Variants in FER observed in about 807,000 individuals in gnomAD.
FER encodes FER tyrosine kinase.
Under a neutral mutation model 111.0 loss-of-function variants are expected in FER, and 63 were observed. The observed-to-expected ratio is 0.57, with a 90% CI of 0.46 to 0.70. The LOEUF (loss-of-function observed/expected upper bound fraction) is 0.70, where lower values mean the gene tolerates loss of function less well. Among genes scored for constraint, FER ranks in the 30% least tolerant of loss-of-function variants. FER has a pLI of 0.00. For missense variants in FER, 914 were observed against 954.0 expected, an observed-to-expected ratio of 0.96 and a Z score of 0.55; for synonymous variants, 327 against 313.9, an observed-to-expected ratio of 1.04 and a Z score of -0.44.
At chr5:108,966,614 G>A (rs1280620190) in intron 13 of FER, among the ~76,000 whole-genome samples, 6 of 151,814 alleles carry the variant, frequency 4.0e-5, no homozygotes, top group Admixed American at 1.3e-4. Context: ...TCTCGAACTC[G>A]TGACCTCATG....
At chr5:108,863,948 A>T (rs1763779453) in intron 5 of FER, among the ~76,000 whole-genome samples, 1 of 152,186 alleles carries the variant, frequency 6.6e-6, no homozygotes, top group African/African-American at 2.4e-5. Context: ...AACTAAATTA[A>T]TGTACTTGCT....
chr5:109,057,604 G>A (rs1056501944), intron 16 of FER, among the ~76,000 whole-genome samples: 2 of 152,126 alleles, frequency 1.3e-5, no homozygotes, highest in Non-Finnish European at 2.9e-5. Context: ...TCCTGCCTCA[G>A]CCTCCCGGAA....
intron 2 of FER, among the ~76,000 whole-genome samples, chr5:108,794,526 A>ACCCCCCCCCCCCCCCCCCCC (rs138716410): frequency 9.4e-6 from 1 of 106,352 alleles, no homozygotes; most frequent in Non-Finnish European, 1.9e-5. Context: ...CCCCCTCCGC[A>ACCCCCCCCCCCCCCCCCCCC]CCCCCCCCCC....
intron 2 of FER, among the ~76,000 whole-genome samples, chr5:108,782,284 A>G (rs141823427): frequency 6.4e-5 from 9 of 141,342 alleles, no homozygotes; most frequent in Middle Eastern, 7.6e-3. Context: ...GTGACTTCCA[A>G]GTATTTTTTT....
At position 109,140,773 on chromosome 5, in the gene FER, T is replaced by C. The variant is rs561246341; in HGVS notation, c.2049-39974T>C. Among the ~76,000 whole-genome samples, 6 of 152,268 alleles carry C rather than the reference T, an allele frequency of 3.9e-5. No homozygotes were observed. The South Asian group carries it at 1.2e-3, about 32-fold the overall frequency. ...TTTCATAGTCTGAGCCATCTGATAA[T>C]AGGGTGGAGTATATTTAAATCATAA... On this transcript the variant is annotated intron_variant, in intron 17 of 19. Transcript: ENST00000281092.
At chr5:109,030,415 AT>A (rs1769432929) in intron 13 of FER, among the ~76,000 whole-genome samples, 1 of 152,186 alleles carries the variant, frequency 6.6e-6, no homozygotes, top group Non-Finnish European at 1.5e-5. Flanking sequence ...ATGTTAGGAC[AT>A]CTTGGGTCCC....
intron 4 of FER, among the ~76,000 whole-genome samples, chr5:108,834,662 C>T (rs1760421411): frequency 6.7e-6 from 1 of 150,330 alleles, no homozygotes; most frequent in African/African-American, 2.5e-5. Context: ...CATGCCACTG[C>T]CCTAACAGCC....
intron 3 of FER, among the ~76,000 whole-genome samples, chr5:108,826,785 T>C (rs1759517641): frequency 1.3e-5 from 2 of 152,198 alleles, no homozygotes; most frequent in African/African-American, 4.8e-5. Flanking sequence ...CCTGTTTTAG[T>C]CTAGTCAGAA....
rs77545129 is a variant in FER, at chr5:108,981,142, C to T, written c.1656+21795C>T. Among the ~76,000 whole-genome samples the T allele has an allele frequency of 1.0e-2, 1,517 of 151,954 alleles. 22 individuals are homozygous for T. The highest frequency in any genetic ancestry group is 0.035 in the African/African-American group (1,447 of 41,478). Reference sequence around the variant, plus strand: ...TATTGTGTAAAAGGTAATACACAATCGCTGAAGTTTTTTTTTTAGTTCATA... The same window carrying T: ...TATTGTGTAAAAGGTAATACACAATTGCTGAAGTTTTTTTTTTAGTTCATA... On this transcript the variant is annotated intron_variant, in intron 13 of 19. Transcript: ENST00000281092.
At chr5:109,083,378 T>C (rs1291422370) in intron 16 of FER, among the ~76,000 whole-genome samples, 1 of 152,032 alleles carries the variant, frequency 6.6e-6, no homozygotes, top group Admixed American at 6.6e-5. Context: ...AATAACATTA[T>C]GACAGATCTC....
intron 17 of FER, among the ~76,000 whole-genome samples, chr5:109,171,080 C>G (rs1245835741): frequency 6.6e-6 from 1 of 152,192 alleles, no homozygotes; most frequent in Non-Finnish European, 1.5e-5. Flanking sequence ...TATTCTTTTA[C>G]TGTTGTGATT....
intron 8 of FER, among the ~76,000 whole-genome samples, chr5:108,875,322 T>C (rs921435943): frequency 2.6e-5 from 4 of 152,098 alleles, no homozygotes; most frequent in African/African-American, 9.7e-5. Flanking sequence ...CGGGCTTAAA[T>C]CTGAGGTTAC....
chr5:109,126,030 C>T, intron 17 of FER, among the ~76,000 whole-genome samples: 1 of 151,950 alleles, frequency 6.6e-6, no homozygotes, highest in Non-Finnish European at 1.5e-5. Flanking sequence ...TTTTCTGATA[C>T]AGCCAGTAAT....
At chr5:109,030,346 T>C (rs1380226013) in intron 13 of FER, among the ~76,000 whole-genome samples, 1 of 152,178 alleles carries the variant, frequency 6.6e-6, no homozygotes, top group Non-Finnish European at 1.5e-5. Flanking sequence ...AGATTGTGAT[T>C]TTCTTGGCTC....
At chr5:109,172,377 C>G (rs546605752) in intron 17 of FER, among the ~76,000 whole-genome samples, 4 of 150,174 alleles carry the variant, frequency 2.7e-5, no homozygotes, top group Non-Finnish European at 4.4e-5. Flanking sequence ...AGTAAACTAT[C>G]GCAAGGACAA....
intron 10 of FER, among the ~76,000 whole-genome samples, chr5:108,899,553 C>T (rs952888247): frequency 2.0e-5 from 3 of 151,896 alleles, no homozygotes; most frequent in Non-Finnish European, 2.9e-5. Context: ...AATCCCAGCA[C>T]CTTGGGAGGC....
At chr5:108,993,593 G>GAGGGCGAGGGCGAGGGAGAGGGCA (rs1763575080) in intron 13 of FER, among the ~76,000 whole-genome samples, 1 of 113,334 alleles carries the variant, frequency 8.8e-6, no homozygotes, top group African/African-American at 3.3e-5. Context: ...GGGAGAGGGA[G>GAGGGCGAGGGCGAGGGAGAGGGCA]AGGGCGAGGG....
At chr5:108,944,201 C>T (rs67156774) in intron 10 of FER, among the ~76,000 whole-genome samples, 27,234 of 151,600 alleles carry the variant, frequency 0.18, 2,648 homozygotes, top group African/African-American at 0.26. Context: ...AAATGAGATG[C>T]GAAACTGATA....
intron 12 of FER, 132 bp from the exon 13 acceptor site, chr5:108,959,093 C>A: frequency 1.4e-6 from 1 of 711,684 alleles, no homozygotes; most frequent in Non-Finnish European, 2.1e-6. Flanking sequence ...GGGTATAGTT[C>A]AGTAGTGTTA....
Sources: allele counts gnomAD v4.1 joint callset (sites outside exome capture counted in the v4.1 genomes callset), GRCh38; gene constraint gnomAD v4.1.1; transcripts MANE v1.5; gene names NCBI Gene and HGNC (gene_info 2026-07-23, HGNC 2026-07-21).